AKAP9: variants seen among roughly 807,000 people sequenced by gnomAD.
The protein encoded by AKAP9 is A-kinase anchoring protein 9.
A neutral mutation model predicts 488.5 loss-of-function variants in AKAP9; 311 were observed. That is an observed-to-expected ratio of 0.64 (90% confidence interval 0.58 to 0.70). AKAP9 has a LOEUF of 0.70. Ranked by LOEUF, AKAP9 falls within the 30% of genes least tolerant of loss-of-function variation. The pLI, the probability that AKAP9 is intolerant of heterozygous loss-of-function variation, is 0.00. For synonymous variants in AKAP9, 1,462 were observed against 1,483.5 expected (o/e 0.99, Z 0.33); for missense variants, 4,215 against 4,374.5 (o/e 0.96, Z 1.03).
chr7:91,991,081 T>C (rs2130629846), intron 3 of AKAP9, among the ~76,000 whole-genome samples: 1 of 152,304 alleles, frequency 6.6e-6, no homozygotes, highest in African/African-American at 2.4e-5. Flanking sequence ...TTCAATACTA[T>C]TTATGATTTC....
In AKAP9 at chr7:92,016,579, T is replaced by C. The variant is rs190091016; in HGVS notation, c.3751+312T>C. 0.014 allele frequency among the ~76,000 whole-genome samples: 2,059 copies of C among 152,180 alleles called. 17 individuals are homozygous for C. Among genetic ancestry groups the C allele is most frequent in the Admixed American group, 0.03 (465 of 15,286 alleles). On this transcript the variant is annotated intron_variant, in intron 11 of 49. Transcript: ENST00000356239. ...TAGATCCAAATTTTTAAAGTTATTGTATTTATTGAATAAGTTCATATCAAT... is the reference window on the plus strand; with the variant it reads ...TAGATCCAAATTTTTAAAGTTATTGCATTTATTGAATAAGTTCATATCAAT...
chr7:92,082,362 A>G (rs1813729931), intron 31 of AKAP9, among the ~76,000 whole-genome samples, 160 bp from the exon 32 acceptor site: 1 of 152,366 alleles, frequency 6.6e-6, no homozygotes, highest in African/African-American at 2.4e-5. Context: ...GATGGTTCTG[A>G]AAAAGCTTCT....
chr7:92,061,584 C>CTCTATATATATA (rs1809805861), intron 23 of AKAP9, among the ~76,000 whole-genome samples, 162 bp downstream of exon 23: 2 of 102,472 alleles, frequency 2.0e-5, no homozygotes, highest in African/African-American at 7.9e-5. Context: ...ATTTTTAAAA[C>CTCTATATATATA]TATATATATA....
rs201487061 is a variant in AKAP9 at position 92,078,774 on chromosome 7, G to A, written c.6946-305G>A. On this transcript the variant is annotated intron_variant, in intron 30 of 49. Coordinates refer to ENST00000356239, the MANE Select transcript of AKAP9 (RefSeq NM_005751.5). ...TAAGGTAATTACCTTTGGTGCCATC[G>A]GTTGTAGACTTTATTTCCGTACTTC... Among the ~76,000 whole-genome samples, 6 of 152,066 alleles carry A rather than the reference G, an allele frequency of 3.9e-5. No individual in the cohort carries two copies. In the East Asian group the frequency reaches 7.7e-4, roughly 20 times the overall value.
chr7:92,036,489 T>A (rs531515252), intron 16 of AKAP9, among the ~76,000 whole-genome samples: 1 of 152,090 alleles, frequency 6.6e-6, no homozygotes, highest in African/African-American at 2.4e-5. Context: ...TTGTTTTTAT[T>A]ATAATTCATT....
chr7:92,087,894 TATAA>T (rs543861504), intron 37 of AKAP9, among the ~76,000 whole-genome samples: 1 of 150,524 alleles, frequency 6.6e-6, no homozygotes, highest in Non-Finnish European at 1.5e-5. Flanking sequence ...TAAATATATA[TATAA>T]ATAAATAAAT....
chr7:92,096,639 G>C lies in AKAP9; in HGVS notation c.9730-50G>C, dbSNP rs753564911. On this transcript the variant is annotated intron_variant, in intron 40 of 49. Coordinates refer to ENST00000356239, the MANE Select transcript of AKAP9 (RefSeq NM_005751.5). ...GGCGTGAGCCACCACGCCCGGCCAA[G>C]TATTTTTAATAATATTAACAAGTTC... 6 of 1,608,106 alleles carry C rather than the reference G, an allele frequency of 3.7e-6. No individual in the cohort carries two copies. In the African/African-American group the frequency reaches 8.0e-5, roughly 22 times the overall value.
Position 92,065,313 on chromosome 7 carries a change from A to G in AKAP9, c.6060A>G (p.Gln2020=). The G allele has an allele frequency of 6.2e-7, 1 of 1,613,256 alleles. No homozygotes were observed. Among genetic ancestry groups the G allele is most frequent in the African/African-American group, 1.3e-5 (1 of 75,004 alleles). ...CQAEKVRDDL[Q]KQVKALEIDV... ...CTGAAAAAGTACGTGATGACCTTCA[A>G]AAACAAGTGAAAGCTCTAGAAATAG... Residue 2020 remains glutamine (Q), a synonymous_variant, in exon 25 of 50, where the codon CAA becomes CAG. Coordinates refer to ENST00000356239, the MANE Select transcript of AKAP9 (RefSeq NM_005751.5).
intron 24 of AKAP9, among the ~76,000 whole-genome samples, chr7:92,064,717 G>A (rs1223297615): frequency 6.6e-6 from 1 of 152,132 alleles, no homozygotes; most frequent in African/African-American, 2.4e-5. Flanking sequence ...AGACTAACAG[G>A]AAATTTCAAT....
intron 1 of AKAP9, 124 bp downstream of exon 1, chr7:91,941,271 G>C: frequency 1.2e-6 from 1 of 867,600 alleles, no homozygotes; most frequent in Non-Finnish European, 1.8e-6. Context: ...GGTGCTGCAG[G>C]GTCTTAGGGT....
chr7:91,961,241 C>T (rs1279354262), intron 1 of AKAP9, among the ~76,000 whole-genome samples: 1 of 151,772 alleles, frequency 6.6e-6, no homozygotes, highest in Non-Finnish European at 1.5e-5. Flanking sequence ...CTCACTGTGA[C>T]CTCCGCCTCC....
Position 91,972,609 on chromosome 7 carries a change from A to G in AKAP9, c.49-1102A>G, listed in dbSNP as rs1795232023. 2.0e-5 allele frequency among the ~76,000 whole-genome samples: 3 copies of G among 152,212 alleles called. 1 individual carries two copies. Among genetic ancestry groups the G allele is most frequent in the South Asian group, 4.1e-4 (2 of 4,832 alleles). On this transcript the variant is annotated intron_variant, in intron 1 of 49. Transcript: ENST00000356239. ...TTTGAGTTCTGGGATATCGCCAGTA[A>G]TAATCTAAGCTCTGTATATTTGCTT...
intron 14 of AKAP9, among the ~76,000 whole-genome samples, chr7:92,023,426 C>G (rs1315360795): frequency 6.6e-6 from 1 of 152,176 alleles, no homozygotes; most frequent in African/African-American, 2.4e-5. Context: ...TTCACCACGT[C>G]CAAAGTAGAA....
At chr7:92,109,996 T>G (rs531315485) in intron 49 of AKAP9, 126 bp from the exon 50 acceptor site, 9 of 742,308 alleles carry the variant, frequency 1.2e-5, no homozygotes, top group Non-Finnish European at 1.7e-5. Flanking sequence ...GAGGACATTT[T>G]AAGGAAAAAA....
chr7:91,993,085 G>T (rs1333185169), intron 5 of AKAP9, 30 bp downstream of exon 5: 1 of 1,613,230 alleles, frequency 6.2e-7, no homozygotes, highest in Non-Finnish European at 8.5e-7. Flanking sequence ...CTTTTGATTT[G>T]CTACTCACAA....
chr7:91,999,299 C>A (rs1206668587), intron 7 of AKAP9, among the ~76,000 whole-genome samples: 1 of 152,190 alleles, frequency 6.6e-6, no homozygotes, highest in Non-Finnish European at 1.5e-5. Context: ...GATCTCAGCT[C>A]ACTGCAACCT....
At chr7:92,070,824 AAG>A in intron 27 of AKAP9, 79 bp from the exon 28 acceptor site, 3 of 921,394 alleles carry the variant, frequency 3.3e-6, no homozygotes, top group South Asian at 1.5e-5. Context: ...AAAAAAAAAA[AAG>A]CAGACCAAAA....
chr7:91,976,957 G>A (rs1795776442), intron 2 of AKAP9, among the ~76,000 whole-genome samples: 1 of 151,996 alleles, frequency 6.6e-6, no homozygotes, highest in African/African-American at 2.4e-5. Context: ...ATTTAAAATA[G>A]CTGAGTCAGA....
intron 35 of AKAP9, 142 bp from the exon 36 acceptor site, chr7:92,085,353 A>C: frequency 1.3e-6 from 1 of 795,232 alleles, no homozygotes. Flanking sequence ...ACCCCTCCAC[A>C]GGAAGAAGGC....
Sources: gnomAD v4.1 joint callset for allele counts (sites outside exome capture counted in the v4.1 genomes callset) on GRCh38, gnomAD v4.1.1 for gene constraint, MANE v1.5 for transcripts, NCBI Gene and HGNC (gene_info 2026-07-23, HGNC 2026-07-21) for gene names.